ATP5PD: variants seen among roughly 807,000 people sequenced by gnomAD.
The protein encoded by ATP5PD is ATP synthase peripheral stalk subunit d, mitochondrial.
ATP5PD carries 13 observed loss-of-function variants against 22.6 expected under a neutral mutation model. The ratio of observed to expected loss-of-function variants is 0.58; its 90% CI spans 0.37 to 0.91. The LOEUF is 0.91. Ranked by LOEUF, ATP5PD falls within the 40% of genes least tolerant of loss-of-function variation. ATP5PD has a pLI of 0.00. For synonymous variants in ATP5PD, 51 were observed against 65.0 expected, an observed-to-expected ratio of 0.79 and a Z score of 1.03; for missense variants, 165 against 188.0, an observed-to-expected ratio of 0.88 and a Z score of 0.72.
chr17:75,041,334 G>A (rs1163958050), intron 3 of ATP5PD: 4 of 138,342 alleles, frequency 2.9e-5, no homozygotes, highest in African/African-American at 1.1e-4. Flanking sequence ...CAACCTGAGT[G>A]ACAGAGTGAG....
chr17:75,044,670 G>C (rs1446447457), intron 1 of ATP5PD, among the ~76,000 whole-genome samples: 1 of 151,836 alleles, frequency 6.6e-6, no homozygotes, highest in Non-Finnish European at 1.5e-5. Context: ...CAACACATGT[G>C]AAAATGTGAG....
Position 75,040,340 on chromosome 17 carries a change from A to G in ATP5PD, c.220-177T>C, listed in dbSNP as rs979177771. ...CGAATACGCATCTCAATACTGGAGTAGAAAGAATATTAGACTGGGAACAGG... is the reference window on the plus strand; with the variant it reads ...CGAATACGCATCTCAATACTGGAGTGGAAAGAATATTAGACTGGGAACAGG... On this transcript the variant is annotated intron_variant, in intron 3 of 5. Coordinates refer to ENST00000301587, the MANE Select transcript of ATP5PD (RefSeq NM_006356.3). 6 of 671,918 alleles carry G rather than the reference A, an allele frequency of 8.9e-6. No homozygotes were observed. The African/African-American group carries it at 1.1e-4, about 12-fold the overall frequency. The allele number at this position is 671,918 out of a possible 1,614,324, so 41.6% of individuals were successfully genotyped here. A position where few individuals can be genotyped will look rare whatever the true frequency, so the allele number is the denominator to read the frequency against.
At chr17:75,042,705 T>C (rs2073173389) in intron 1 of ATP5PD, 46 bp from the exon 2 acceptor site, 2 of 1,556,372 alleles carry the variant, frequency 1.3e-6, no homozygotes, top group Middle Eastern at 1.7e-4. Context: ...ATGAGGTGAA[T>C]TTTCAGTTGG....
chr17:75,039,891 A>G (rs2073141129), intron 4 of ATP5PD: 5 of 625,650 alleles, frequency 8.0e-6, no homozygotes, highest in Non-Finnish European at 8.4e-6. Context: ...ATCATATGCT[A>G]TACTCTTCTT....
Position 75,042,205 on chromosome 17 carries a change from G to A in ATP5PD, c.195C>T (p.Gly65=), listed in dbSNP as rs777346570. The change falls in exon 3 of 6, where the codon GGC becomes GGT. Residue 65 remains glycine (G), a synonymous_variant. Transcript: ENST00000301587. ...CCTTCTTCTCAAAGTCATCCACCAA[G>A]CCAGCCTTGGCCACATTGGCCTTGT... ...AYYKANVAKA[G]LVDDFEKKFN... 3 of 1,614,098 alleles carry A rather than the reference G, an allele frequency of 1.9e-6. No homozygotes were observed. Among genetic ancestry groups the A allele is most frequent in the Non-Finnish European group, 2.5e-6 (3 of 1,179,960 alleles).
At chr17:75,046,773 G>C (rs2073224070) in intron 1 of ATP5PD, among the ~76,000 whole-genome samples, 152 bp downstream of exon 1, 1 of 152,154 alleles carries the variant, frequency 6.6e-6, no homozygotes, top group Admixed American at 6.5e-5. Context: ...GGGGCGAGGA[G>C]CGGCAGCTAC....
chr17:75,039,413 A>G, intron 4 of ATP5PD, 142 bp from the exon 5 acceptor site: 4 of 681,512 alleles, frequency 5.9e-6, no homozygotes, highest in Non-Finnish European at 1.0e-5. Context: ...GGGGGCGCTC[A>G]CTCTGACAGG....
At position 75,042,572 on chromosome 17, in the gene ATP5PD, T is replaced by G. The variant is rs200410651; in HGVS notation, c.79A>C (p.Ile27Leu). 6.2e-7 allele frequency: 1 copy of G among 1,612,922 alleles called. No homozygotes were observed. Among genetic ancestry groups the G allele is most frequent in the East Asian group, 2.2e-5 (1 of 44,884 alleles). ...AEIIPQNQKAIASSLKSWNET... is the reference protein window; with the variant it reads ...AEIIPQNQKALASSLKSWNET... ...TTCCAGGATTTCAGGGAACTAGCAATGGCCTTTTGGTTCTGGGGTATGATC... is the reference window on the plus strand; with the variant it reads ...TTCCAGGATTTCAGGGAACTAGCAAGGGCCTTTTGGTTCTGGGGTATGATC... The change falls in exon 2 of 6, where the codon ATT becomes CTT. Residue 27 changes from isoleucine to leucine, a missense_variant. By Grantham distance (5) the Ile-to-Leu change is conservative. Transcript: ENST00000301587.
intron 3 of ATP5PD, chr17:75,040,865 G>C (rs1458602673): frequency 6.8e-6 from 1 of 147,270 alleles, no homozygotes. Context: ...CAGCCTGGGC[G>C]ACAGAGCAAG....
intron 1 of ATP5PD, among the ~76,000 whole-genome samples, chr17:75,043,213 T>A (rs878896839): frequency 1.3e-5 from 2 of 151,628 alleles, no homozygotes; most frequent in African/African-American, 4.9e-5. Context: ...ACAGCAAGAG[T>A]CCGTCTCAAA....
intron 1 of ATP5PD, among the ~76,000 whole-genome samples, chr17:75,046,087 G>C (rs1381787534): frequency 6.6e-6 from 1 of 152,198 alleles, no homozygotes; most frequent in Non-Finnish European, 1.5e-5. Flanking sequence ...ATAACTTTGT[G>C]TGTGTGTGTG....
At chr17:75,045,289 C>T (rs1409416913) in intron 1 of ATP5PD, among the ~76,000 whole-genome samples, 1 of 152,172 alleles carries the variant, frequency 6.6e-6, no homozygotes, top group African/African-American at 2.4e-5. Flanking sequence ...GATCACAAGA[C>T]CACAGGACCA....
chr17:75,043,473 C>T (rs994077136), intron 1 of ATP5PD, among the ~76,000 whole-genome samples: 1 of 151,996 alleles, frequency 6.6e-6, no homozygotes, highest in African/African-American at 2.4e-5. Flanking sequence ...ATTAGCCGGG[C>T]GTGATGGCAT....
In ATP5PD at chr17:75,042,275, A is replaced by C; in HGVS notation, c.125T>G (p.Leu42Trp). 2 of 1,613,848 alleles carry C rather than the reference A, an allele frequency of 1.2e-6. No homozygotes were observed. Among genetic ancestry groups the C allele is most frequent in the Non-Finnish European group, 1.7e-6 (2 of 1,179,898 alleles). ...TGGTGGATTCTCAGGTAAAGCAGCCAACCTGCCCACAAGGAAAGGCAAAAG... is the reference window on the plus strand; with the variant it reads ...TGGTGGATTCTCAGGTAAAGCAGCCCACCTGCCCACAAGGAAAGGCAAAAG... ...KSWNETLTSR[L>W]AALPENPPAI... is the part of the protein sequence containing the mutation. Residue 42 changes from leucine to tryptophan, a missense_variant and splice_region_variant, in exon 3 of 6, where the codon TTG (leucine) becomes TGG (tryptophan). By Grantham distance (61) the Leu-to-Trp change is moderately conservative. Transcript: ENST00000301587.
chr17:75,040,917 T>C (rs1460837741), intron 3 of ATP5PD: 1 of 151,174 alleles, frequency 6.6e-6, no homozygotes, highest in East Asian at 2.0e-4. Flanking sequence ...CTTAGTGTTA[T>C]GGCTCCAGCA....
At chr17:75,042,737 T>A in intron 1 of ATP5PD, 78 bp from the exon 2 acceptor site, 1 of 1,375,144 alleles carries the variant, frequency 7.3e-7, no homozygotes, top group Non-Finnish European at 1.0e-6. Flanking sequence ...AATAACAAAA[T>A]AAGAGCTCTT....
In ATP5PD at chr17:75,038,876, T is replaced by G; in HGVS notation, c.*56A>C. 1 of 1,551,114 alleles carries G rather than the reference T, an allele frequency of 6.4e-7. No homozygotes were observed. Among genetic ancestry groups the G allele is most frequent in the South Asian group, 1.2e-5 (1 of 83,358 alleles). Reference sequence around the variant, plus strand: ...CACACCCAGAACTGTATAATTATTATTTTTAATGTCCAGAATGTGTAATAC... The same window carrying G: ...CACACCCAGAACTGTATAATTATTAGTTTTAATGTCCAGAATGTGTAATAC... On this transcript the variant is annotated 3_prime_UTR_variant, in exon 6 of 6. Transcript: ENST00000301587.
intron 1 of ATP5PD, among the ~76,000 whole-genome samples, chr17:75,046,337 C>T (rs967415000): frequency 6.6e-5 from 10 of 152,206 alleles, no homozygotes; most frequent in Non-Finnish European, 1.3e-4. Flanking sequence ...CCGCCTTGGC[C>T]TCCTAAAATT....
chr17:75,045,201 T>TACGAA (rs1567988724), intron 1 of ATP5PD, among the ~76,000 whole-genome samples: 1 of 152,032 alleles, frequency 6.6e-6, no homozygotes, highest in African/African-American at 2.4e-5. Context: ...GGAGGGAGTA[T>TACGAA]ACGAATAGGT....
Sources: allele counts gnomAD v4.1 joint callset (sites outside exome capture counted in the v4.1 genomes callset), GRCh38; gene constraint gnomAD v4.1.1; transcripts MANE v1.5; gene names NCBI Gene and HGNC (gene_info 2026-07-23, HGNC 2026-07-21).